The following MBNL2 variants were observed in gnomAD, a reference collection of about 807,000 sequenced individuals.
MBNL2 encodes the protein muscleblind-like protein 2.
Under a neutral mutation model 41.9 loss-of-function variants are expected in MBNL2, and 17 were observed. The observed-to-expected ratio is 0.41, with a 90% confidence interval of 0.28 to 0.61. The LOEUF is 0.61. Ranked by LOEUF, MBNL2 falls within the 20% of genes least tolerant of loss-of-function variation. The pLI, the probability that MBNL2 is intolerant of heterozygous loss-of-function variation, is 0.35. For synonymous variants in MBNL2, 195 were observed against 182.9 expected (o/e 1.07, Z -0.53); for missense variants, 336 against 505.6 (o/e 0.66, Z 3.22).
Position 97,246,680 on chromosome 13 carries a change from C to T in MBNL2, c.-605+24149C>T, listed in dbSNP as rs75219033. Among the ~76,000 whole-genome samples the T allele has an allele frequency of 2.8e-4, 43 of 152,222 alleles. No homozygotes were observed. In the East Asian group the frequency reaches 7.5e-3, roughly 27 times the overall value. ...AGAGAGATCCCCTTCCACCCCACCC[C>T]GAAGAGGCATTTTATTAATTTCTCT... On this transcript the variant is annotated intron_variant, in intron 1 of 8. Coordinates refer to ENST00000679496, the MANE Select transcript of MBNL2 (RefSeq NM_001382683.1).
At chr13:97,385,614 C>T (rs1218481735) in intron 8 of MBNL2, among the ~76,000 whole-genome samples, 1 of 152,220 alleles carries the variant, frequency 6.6e-6, no homozygotes, top group African/African-American at 2.4e-5. Flanking sequence ...ACTCATCTGA[C>T]ATCCTTGAAT....
At chr13:97,184,295 G>A in the MBNL2 span, among the ~76,000 whole-genome samples, 4 of 152,188 alleles carry the variant, frequency 2.6e-5, no homozygotes, top group African/African-American at 7.2e-5. Context: ...GGTAAGACGT[G>A]AGAATAATCT....
chr13:97,147,993 C>G, the MBNL2 span, among the ~76,000 whole-genome samples: 1 of 152,118 alleles, frequency 6.6e-6, no homozygotes, highest in South Asian at 2.1e-4. Flanking sequence ...AGACGCCAGT[C>G]AATGCTCTGT....
intron 8 of MBNL2, among the ~76,000 whole-genome samples, chr13:97,381,963 T>C (rs1021786530): frequency 1.7e-4 from 26 of 152,150 alleles, no homozygotes; most frequent in Non-Finnish European, 2.9e-5. Context: ...TTTAAAGGTA[T>C]AAAAATGTTT....
intron 1 of MBNL2, among the ~76,000 whole-genome samples, chr13:97,245,746 T>C (rs2045333016): frequency 1.3e-5 from 2 of 152,202 alleles, no homozygotes; most frequent in Non-Finnish European, 2.9e-5. Flanking sequence ...TCCATCGAAA[T>C]GGTATTTTAA....
chr13:97,261,329 C>T (rs1018534389), intron 1 of MBNL2, among the ~76,000 whole-genome samples: 1 of 152,064 alleles, frequency 6.6e-6, no homozygotes, highest in Non-Finnish European at 1.5e-5. Flanking sequence ...TTTAACGATA[C>T]ACTCAGAAAC....
intron 3 of MBNL2, among the ~76,000 whole-genome samples, chr13:97,339,164 AATGTGT>A (rs1479973131): frequency 1.9e-3 from 2 of 1,076 alleles, no homozygotes; most frequent in African/African-American, 3.9e-3. Flanking sequence ...GTGTGCTGTG[AATGTGT>A]ATGAGTATGT....
At chr13:97,337,625 C>T (rs2061000178) in intron 3 of MBNL2, among the ~76,000 whole-genome samples, 1 of 152,210 alleles carries the variant, frequency 6.6e-6, no homozygotes, top group South Asian at 2.1e-4. Context: ...ACATATCCAC[C>T]TTTCTACTGG....
At chr13:97,287,045 C>T (rs960271854) in intron 2 of MBNL2, among the ~76,000 whole-genome samples, 2 of 152,168 alleles carry the variant, frequency 1.3e-5, no homozygotes, top group Admixed American at 6.5e-5. Context: ...AAATTCAAAT[C>T]GCTTTTCTGG....
At chr13:97,175,837 T>C in the MBNL2 span, among the ~76,000 whole-genome samples, 1 of 152,030 alleles carries the variant, frequency 6.6e-6, no homozygotes, top group Non-Finnish European at 1.5e-5. Context: ...CCTGATAGAG[T>C]TGCAGACCTC....
At chr13:97,198,544 CATT>C in the MBNL2 span, among the ~76,000 whole-genome samples, 1 of 150,392 alleles carries the variant, frequency 6.6e-6, no homozygotes, top group African/African-American at 2.4e-5. Context: ...TATATATACA[CATT>C]ATATTAATTC....
At chr13:97,287,848 G>GCGTTCAAGCA in intron 2 of MBNL2, among the ~76,000 whole-genome samples, 1 of 127,260 alleles carries the variant, frequency 7.9e-6, no homozygotes, top group African/African-American at 3.1e-5. Flanking sequence ...GCGTTCAAGC[G>GCGTTCAAGCA]ATTCTCCTGC....
At chr13:97,205,438 A>G in the MBNL2 span, among the ~76,000 whole-genome samples, 1 of 152,134 alleles carries the variant, frequency 6.6e-6, no homozygotes, top group East Asian at 1.9e-4. Flanking sequence ...TCTACAGAGT[A>G]AAGTTCTGCA....
rs2061937469 is a variant in MBNL2, at chr13:97,347,025, T to C, written c.762T>C (p.Ala254=). 5.0e-6 allele frequency: 8 copies of C among 1,612,148 alleles called. No individual in the cohort carries two copies. In the East Asian group the frequency reaches 1.6e-4, roughly 31 times the overall value. ...CTGCGCAGCACCAAGCCAACCAAGC[T>C]GCGGTGGCCGCCCAGGCAGCCGCGG... The part of the protein sequence containing the change: ...IKAAQHQANQ[A]AVAAQAAAAA... The change falls in exon 5 of 9, where the codon GCT becomes GCC. Residue 254 remains alanine (A), a synonymous_variant. Transcript: ENST00000679496.
intron 8 of MBNL2, among the ~76,000 whole-genome samples, chr13:97,378,028 A>G (rs1489591215): frequency 6.7e-6 from 1 of 149,754 alleles, no homozygotes. Flanking sequence ...AGGTGTCCGT[A>G]GAGAGTCATT....
chr13:97,382,202 A>G (rs1362643002), intron 8 of MBNL2, among the ~76,000 whole-genome samples: 1 of 152,190 alleles, frequency 6.6e-6, no homozygotes, highest in Non-Finnish European at 1.5e-5. Context: ...TACCTTTGTC[A>G]TTTGGTTTGA....
intron 8 of MBNL2, among the ~76,000 whole-genome samples, chr13:97,373,604 A>AT (rs1416312948): frequency 1.3e-3 from 166 of 130,924 alleles, no homozygotes; most frequent in Admixed American, 2.9e-3. Context: ...AGTATGCTAA[A>AT]AATATATATA....
intron 7 of MBNL2, among the ~76,000 whole-genome samples, chr13:97,362,188 G>A (rs1409256133): frequency 6.6e-6 from 1 of 151,910 alleles, no homozygotes; most frequent in East Asian, 1.9e-4. Context: ...ATTAACAGTT[G>A]AGCATCCCAT....
the MBNL2 span, among the ~76,000 whole-genome samples, chr13:97,192,029 C>T: frequency 2.6e-5 from 4 of 152,166 alleles, no homozygotes; most frequent in Non-Finnish European, 5.9e-5. Context: ...GATGGGGAGT[C>T]TTTAGCTATA....
Sources: gnomAD v4.1 joint callset for allele counts (sites outside exome capture counted in the v4.1 genomes callset) on GRCh38, gnomAD v4.1.1 for gene constraint, MANE v1.5 for transcripts, NCBI Gene and HGNC (gene_info 2026-07-23, HGNC 2026-07-21) for gene names.